Variants in CCNY observed in about 807,000 individuals in gnomAD.
CCNY encodes cyclin Y.
Under a neutral mutation model 42.8 loss-of-function variants are expected in CCNY, and 19 were observed. The ratio of observed to expected loss-of-function variants is 0.44; its 90% CI spans 0.31 to 0.65. CCNY has a LOEUF of 0.65. Ranked by LOEUF, CCNY falls within the 30% of genes least tolerant of loss-of-function variation. CCNY has a pLI of 0.07. For missense variants in CCNY, 370 were observed against 437.3 expected (o/e 0.85, Z 1.37); for synonymous variants, 165 against 162.7 (o/e 1.01, Z -0.11).
At chr10:35,398,142 C>T (rs1837564872) in intron 1 of CCNY, among the ~76,000 whole-genome samples, 1 of 152,154 alleles carries the variant, frequency 6.6e-6, no homozygotes, top group Non-Finnish European at 1.5e-5. Context: ...AGGAGCATGA[C>T]CAGGAAGCCA....
chr10:35,505,101 T>G (rs1361573081), intron 3 of CCNY, among the ~76,000 whole-genome samples: 2 of 151,742 alleles, frequency 1.3e-5, no homozygotes, highest in Non-Finnish European at 2.9e-5. Context: ...AATCTCTGAT[T>G]ATAGATTGTG....
chr10:35,467,217 G>A (rs1196662403), intron 1 of CCNY, among the ~76,000 whole-genome samples: 2 of 152,104 alleles, frequency 1.3e-5, no homozygotes, highest in East Asian at 1.9e-4. Context: ...ATCTATATAA[G>A]GTCTTTACAC....
chr10:35,389,302 G>A (rs544795304), intron 1 of CCNY, among the ~76,000 whole-genome samples: 2 of 152,178 alleles, frequency 1.3e-5, no homozygotes, highest in South Asian at 2.1e-4. Flanking sequence ...GGCACTGTTC[G>A]TTTCATCTTT....
chr10:35,384,106 C>T (rs1837251666), intron 1 of CCNY, among the ~76,000 whole-genome samples: 1 of 152,042 alleles, frequency 6.6e-6, no homozygotes, highest in Admixed American at 6.6e-5. Flanking sequence ...GTTTCCTTCC[C>T]CTTCATATTT....
intron 7 of CCNY, among the ~76,000 whole-genome samples, chr10:35,551,853 T>C (rs1841265081): frequency 6.6e-6 from 1 of 152,192 alleles, no homozygotes; most frequent in African/African-American, 2.4e-5. Flanking sequence ...AGGATGACTA[T>C]TACCAAAACA....
At chr10:35,510,123 T>TG (rs1840295595) in intron 3 of CCNY, among the ~76,000 whole-genome samples, 1 of 152,194 alleles carries the variant, frequency 6.6e-6, no homozygotes, top group African/African-American at 2.4e-5. Context: ...TAAAAAAAAT[T>TG]GTGGAGCTTT....
intron 5 of CCNY, among the ~76,000 whole-genome samples, chr10:35,526,669 G>GT (rs34425324): frequency 0.055 from 7,878 of 142,624 alleles, 405 homozygotes; most frequent in African/African-American, 0.15. Flanking sequence ...TCCTTTCCAA[G>GT]TTTTTTTTTT....
At chr10:35,283,940 C>T (rs562289349) in intron 3 of CCNY, among the ~76,000 whole-genome samples, 1 of 152,004 alleles carries the variant, frequency 6.6e-6, no homozygotes, top group African/African-American at 2.4e-5. Context: ...AAAAATTAGC[C>T]GGGCTTGGTG....
chr10:35,380,496 T>A (rs1837158533), intron 1 of CCNY, among the ~76,000 whole-genome samples: 1 of 152,244 alleles, frequency 6.6e-6, no homozygotes, highest in African/African-American at 2.4e-5. Flanking sequence ...CTTCAAACAT[T>A]TATTTCAGAA....
At chr10:35,448,137 GCAGATTGATGA>G (rs1589127825) in intron 1 of CCNY, among the ~76,000 whole-genome samples, 6 of 152,220 alleles carry the variant, frequency 3.9e-5, no homozygotes, top group Admixed American at 3.9e-4. Flanking sequence ...CTGTACAGCA[GCAGATTGATGA>G]CAGCTTTGGA....
rs147990949 is a variant in CCNY, at chr10:35,457,581, A to G, written c.155-25823A>G. Among the ~76,000 whole-genome samples, 35 of 151,610 alleles carry G rather than the reference A, an allele frequency of 2.3e-4. No homozygotes were observed. In the East Asian group the frequency reaches 6.4e-3, roughly 28 times the overall value. The stretch of plus-strand genomic sequence containing the variant: ...ACTCTACTGTAACCCAAATTCATAG[A>G]TGTATTTTTTTTTTTTTGAGATGGA... On this transcript the variant is annotated intron_variant, in intron 1 of 9. Transcript: ENST00000374704.
At chr10:35,505,473 A>G (rs2135395733) in intron 3 of CCNY, among the ~76,000 whole-genome samples, 1 of 152,252 alleles carries the variant, frequency 6.6e-6, no homozygotes, top group South Asian at 2.1e-4. Context: ...TTTGTGAGGA[A>G]GTAAAGCAAC....
At chr10:35,375,107 T>G (rs187773110) in intron 1 of CCNY, among the ~76,000 whole-genome samples, 1 of 152,284 alleles carries the variant, frequency 6.6e-6, no homozygotes, top group East Asian at 1.9e-4. Context: ...GTGTTAATTT[T>G]CTATTGATGC....
intron 2 of CCNY, among the ~76,000 whole-genome samples, chr10:35,499,582 T>C (rs1165335124): frequency 6.6e-6 from 1 of 152,230 alleles, no homozygotes; most frequent in African/African-American, 2.4e-5. Flanking sequence ...ATCTTCTCAA[T>C]AGTACCCATA....
intron 1 of CCNY, among the ~76,000 whole-genome samples, chr10:35,355,005 A>G (rs1195767923): frequency 2.0e-5 from 3 of 152,178 alleles, no homozygotes; most frequent in African/African-American, 7.2e-5. Flanking sequence ...CTAGGACCAT[A>G]AAAGACTAAT....
At chr10:35,470,953 A>C (rs1006746870) in intron 1 of CCNY, among the ~76,000 whole-genome samples, 2 of 152,212 alleles carry the variant, frequency 1.3e-5, no homozygotes, top group African/African-American at 4.8e-5. Flanking sequence ...GACTACCTAA[A>C]ATTGAAATTA....
In CCNY at chr10:35,337,206, C is replaced by G; in HGVS notation, c.153C>G (p.Asp51Glu). The G allele has an allele frequency of 6.5e-7, 1 of 1,538,178 alleles. No homozygotes were observed. Among genetic ancestry groups the G allele is most frequent in the Non-Finnish European group, 8.8e-7 (1 of 1,141,732 alleles). ...LQHISDRENI[D>E]DLNMEFNPSD... ...ACATCAGCGACCGGGAGAACATAGA[C>G]GGTGAGTGCGGCCCGCCGAGCCCCC... The change falls in exon 1 of 10, where the codon GAC (aspartate) becomes GAG (glutamate). Residue 51 changes from aspartate (D) to glutamate (E), a missense_variant and splice_region_variant. Asp to Glu is a conservative substitution (Grantham distance 45). Coordinates refer to ENST00000374704, the MANE Select transcript of CCNY (RefSeq NM_145012.6).
At chr10:35,256,426 A>G (rs886699371) in intron 3 of CCNY, among the ~76,000 whole-genome samples, 1 of 151,984 alleles carries the variant, frequency 6.6e-6, no homozygotes, top group African/African-American at 2.4e-5. Context: ...TCTAATTTGG[A>G]TTTATACCAC....
At chr10:35,389,489 GAGTGC>G (rs1837367569) in intron 1 of CCNY, among the ~76,000 whole-genome samples, 1 of 150,274 alleles carries the variant, frequency 6.7e-6, no homozygotes. Context: ...TGCCAGGCTG[GAGTGC>G]AGTGGTATGA....
Sources: gnomAD v4.1 joint callset for allele counts (sites outside exome capture counted in the v4.1 genomes callset) on GRCh38, gnomAD v4.1.1 for gene constraint, MANE v1.5 for transcripts, NCBI Gene and HGNC (gene_info 2026-07-23, HGNC 2026-07-21) for gene names.